The following TBC1D21 variants were observed in gnomAD, a reference collection of about 807,000 sequenced individuals.
TBC1D21 encodes TBC1 domain family member 21.
Under a neutral mutation model 46.0 loss-of-function variants are expected in TBC1D21, and 38 were observed. The observed-to-expected ratio is 0.83, with a 90% confidence interval of 0.64 to 1.08. The LOEUF is 1.08. Among genes scored for constraint, TBC1D21 ranks in the 50% least tolerant of loss-of-function variants. The pLI, the probability that TBC1D21 is intolerant of heterozygous loss-of-function variation, is 0.00. For synonymous variants in TBC1D21, 151 were observed against 157.2 expected (o/e 0.96, Z 0.29); for missense variants, 415 against 417.9 (o/e 0.99, Z 0.06).
At chr15:73,895,522 G>A in the TBC1D21 span, among the ~76,000 whole-genome samples, 2 of 152,190 alleles carry the variant, frequency 1.3e-5, no homozygotes, top group African/African-American at 4.8e-5. Context: ...AATTTCTTTA[G>A]GGAGTTAGTA....
At chr15:73,895,992 G>A in the TBC1D21 span, among the ~76,000 whole-genome samples, 8 of 152,158 alleles carry the variant, frequency 5.3e-5, no homozygotes, top group African/African-American at 1.7e-4. Context: ...TCATGGGAGA[G>A]GTAATGGTGG....
intron 1 of TBC1D21, 110 bp downstream of exon 1, chr15:73,873,879 A>C: frequency 7.9e-7 from 1 of 1,258,170 alleles, no homozygotes; most frequent in Non-Finnish European, 1.1e-6. Context: ...CTAACATAGA[A>C]GGTGGAGCAA....
intron 3 of TBC1D21, among the ~76,000 whole-genome samples, chr15:73,883,247 G>A (rs141466215): frequency 7.2e-5 from 11 of 152,346 alleles, no homozygotes; most frequent in Non-Finnish European, 8.8e-5. Context: ...TGAGGGCTGG[G>A]CTAGGGAGCT....
intron 6 of TBC1D21, 78 bp from the exon 7 acceptor site, chr15:73,886,000 G>C: frequency 8.1e-7 from 1 of 1,227,224 alleles, no homozygotes; most frequent in Non-Finnish European, 1.2e-6. Context: ...CAGAAGTGAA[G>C]CTGGGGGAAG....
chr15:73,886,020 C>T (rs1308182154), intron 6 of TBC1D21, 58 bp from the exon 7 acceptor site: 5 of 1,489,198 alleles, frequency 3.4e-6, no homozygotes, highest in East Asian at 2.3e-5. Context: ...GCAGAGTTGA[C>T]TCTTCCGGTG....
chr15:73,885,185 A>C (rs1345911755), intron 6 of TBC1D21, 82 bp downstream of exon 6: 60 of 1,267,594 alleles, frequency 4.7e-5, no homozygotes, highest in Non-Finnish European at 6.4e-5. Context: ...ATGGGCAGGC[A>C]TTGGCCACCC....
chr15:73,883,211 G>C (rs1293446259), intron 3 of TBC1D21, among the ~76,000 whole-genome samples: 2 of 152,260 alleles, frequency 1.3e-5, no homozygotes, highest in African/African-American at 4.8e-5. Context: ...GGGCCAGCCA[G>C]AGTGACCCGG....
chr15:73,909,349 C>G, the TBC1D21 span, among the ~76,000 whole-genome samples: 2,736 of 147,578 alleles, frequency 0.019, 65 homozygotes, highest in African/African-American at 0.065. Context: ...CCAGCCTGGG[C>G]GACACAGCGA....
At chr15:73,893,221 T>C (rs182816453), downstream of TBC1D21, among the ~76,000 whole-genome samples, 26 of 152,212 alleles carry the variant, frequency 1.7e-4, no homozygotes, top group Middle Eastern at 3.4e-3. Context: ...ATATTGATGA[T>C]GGTGTTGGTG....
chr15:73,906,638 C>T, the TBC1D21 span, among the ~76,000 whole-genome samples: 1 of 152,150 alleles, frequency 6.6e-6, no homozygotes, highest in Non-Finnish European at 1.5e-5. Flanking sequence ...AATCCAAGCC[C>T]AAGTCCATCC....
intron 1 of TBC1D21, among the ~76,000 whole-genome samples, chr15:73,875,274 GAAGA>G (rs1250954545): frequency 1.7e-5 from 2 of 118,240 alleles, no homozygotes; most frequent in Non-Finnish European, 3.4e-5. Context: ...AGAAGAAGAA[GAAGA>G]AAGAAGGAAG....
the TBC1D21 span, among the ~76,000 whole-genome samples, chr15:73,904,787 A>G: frequency 1.3e-5 from 2 of 152,180 alleles, no homozygotes; most frequent in Non-Finnish European, 2.9e-5. Context: ...TCCAAAAGAA[A>G]TGGAGAGAGA....
At chr15:73,875,104 C>T (rs947096723) in intron 1 of TBC1D21, among the ~76,000 whole-genome samples, 8 of 152,014 alleles carry the variant, frequency 5.3e-5, no homozygotes, top group African/African-American at 1.4e-4. Flanking sequence ...AAAAAATTAG[C>T]CAGGCGTGGT....
intron 7 of TBC1D21, 79 bp from the exon 8 acceptor site, chr15:73,886,433 T>C: frequency 7.9e-7 from 1 of 1,271,906 alleles, no homozygotes; most frequent in Non-Finnish European, 1.1e-6. Flanking sequence ...GCAGGCTCTG[T>C]AGTTTGGCCT....
chr15:73,881,639 C>T lies in TBC1D21; in HGVS notation c.169-5C>T. The T allele has an allele frequency of 6.2e-7, 1 of 1,613,650 alleles. No homozygotes were observed. Among genetic ancestry groups the T allele is most frequent in the Non-Finnish European group, 8.5e-7 (1 of 1,179,722 alleles). On this transcript the variant is annotated splice_region_variant and splice_polypyrimidine_tract_variant and intron_variant, in intron 2 of 10. Coordinates refer to ENST00000300504, the MANE Select transcript of TBC1D21 (RefSeq NM_153356.3). ...CATGACCTCCACCTCCCACCCCCAC[C>T]CCAGGGTCTGCACCCCTTCGTGAGG...
At chr15:73,902,515 G>A in the TBC1D21 span, among the ~76,000 whole-genome samples, 2 of 152,188 alleles carry the variant, frequency 1.3e-5, no homozygotes, top group South Asian at 2.1e-4. Flanking sequence ...AGACTTGGCT[G>A]CTGCAAGAAG....
At chr15:73,905,857 A>G in the TBC1D21 span, among the ~76,000 whole-genome samples, 1 of 152,216 alleles carries the variant, frequency 6.6e-6, no homozygotes, top group African/African-American at 2.4e-5. Context: ...TGAGCAGCAT[A>G]GGACCAAGCT....
the TBC1D21 span, among the ~76,000 whole-genome samples, chr15:73,900,312 G>A: frequency 2.0e-5 from 3 of 152,228 alleles, no homozygotes; most frequent in African/African-American, 7.2e-5. Context: ...AGTGCCCGGC[G>A]CGGGCTGGGT....
intron 3 of TBC1D21, among the ~76,000 whole-genome samples, chr15:73,882,694 T>C (rs551410652): frequency 1.4e-4 from 21 of 152,352 alleles, no homozygotes; most frequent in African/African-American, 5.1e-4. Flanking sequence ...TGCTGAAGTC[T>C]CAGTCTCCTC....
Sources: gnomAD v4.1 joint callset for allele counts (sites outside exome capture counted in the v4.1 genomes callset) on GRCh38, gnomAD v4.1.1 for gene constraint, MANE v1.5 for transcripts, NCBI Gene and HGNC (gene_info 2026-07-23, HGNC 2026-07-21) for gene names.